The following WWOX variants were observed in gnomAD, a reference collection of about 807,000 sequenced individuals.
WWOX encodes the protein WW domain-containing oxidoreductase.
WWOX carries 69 observed loss-of-function variants against 46.2 expected under a neutral mutation model. The observed-to-expected ratio is 1.49, with a 90% CI of 1.23 to 1.82. The LOEUF (loss-of-function observed/expected upper bound fraction) is 1.82. Ranked by LOEUF, WWOX falls within the 40% of genes most tolerant of loss-of-function variation. The pLI, the probability that WWOX is intolerant of heterozygous loss-of-function variation, is 0.00. For missense variants in WWOX, 919 were observed against 542.6 expected, an observed-to-expected ratio of 1.69 and a Z score of -6.89; for synonymous variants, 359 against 202.6, an observed-to-expected ratio of 1.77 and a Z score of -6.56.
chr16:78,824,463 T>C (rs2051592431), intron 8 of WWOX, among the ~76,000 whole-genome samples: 1 of 152,174 alleles, frequency 6.6e-6, no homozygotes, highest in African/African-American at 2.4e-5. Flanking sequence ...TCCTAGGTGC[T>C]GGGGAGAAAC....
At chr16:78,733,544 G>T (rs778753919) in intron 8 of WWOX, among the ~76,000 whole-genome samples, 9 of 150,792 alleles carry the variant, frequency 6.0e-5, no homozygotes, top group Non-Finnish European at 1.2e-4. Context: ...TCAGGAGATC[G>T]AGACCAGCCT....
intron 5 of WWOX, among the ~76,000 whole-genome samples, chr16:78,301,324 G>GT (rs1441833092): frequency 6.6e-6 from 1 of 152,132 alleles, no homozygotes; most frequent in African/African-American, 2.4e-5. Flanking sequence ...TTATTAAAGA[G>GT]TTTTTTTCAG....
At chr16:79,038,630 A>G (rs2047913186) in intron 8 of WWOX, among the ~76,000 whole-genome samples, 1 of 152,104 alleles carries the variant, frequency 6.6e-6, no homozygotes, top group South Asian at 2.1e-4. Flanking sequence ...GCTCACTGCA[A>G]TGTCTGCCTC....
At chr16:78,854,633 T>C (rs2052525622) in intron 8 of WWOX, among the ~76,000 whole-genome samples, 1 of 152,206 alleles carries the variant, frequency 6.6e-6, no homozygotes, top group African/African-American at 2.4e-5. Flanking sequence ...CAGACTGGAG[T>C]GCAGTGGCGC....
chr16:78,746,021 C>T (rs946652905), intron 8 of WWOX, among the ~76,000 whole-genome samples: 4 of 152,138 alleles, frequency 2.6e-5, no homozygotes, highest in African/African-American at 7.2e-5. Context: ...TAATCTGTAT[C>T]CATCCACAAG....
At chr16:78,145,274 C>T (rs1032701082) in intron 4 of WWOX, among the ~76,000 whole-genome samples, 4 of 152,068 alleles carry the variant, frequency 2.6e-5, no homozygotes, top group African/African-American at 7.2e-5. Flanking sequence ...GTATTGACTC[C>T]CACAATCACA....
At chr16:78,751,496 T>C (rs1597547235) in intron 8 of WWOX, among the ~76,000 whole-genome samples, 1 of 145,232 alleles carries the variant, frequency 6.9e-6, no homozygotes, top group Non-Finnish European at 1.5e-5. Context: ...TATGCATATG[T>C]TTGTATATAA....
intron 8 of WWOX, among the ~76,000 whole-genome samples, chr16:78,821,514 C>G (rs985610447): frequency 3.9e-5 from 6 of 152,164 alleles, no homozygotes; most frequent in African/African-American, 1.2e-4. Context: ...TTCACAGTGA[C>G]CAGAGTGTTT....
chr16:78,869,252 C>A (rs1413208212), intron 8 of WWOX, among the ~76,000 whole-genome samples: 1 of 152,106 alleles, frequency 6.6e-6, no homozygotes, highest in East Asian at 1.9e-4. Context: ...TATCCTGTCA[C>A]CCTGCTGGAA....
intron 8 of WWOX, among the ~76,000 whole-genome samples, chr16:78,662,215 T>C (rs1317560883): frequency 1.3e-5 from 2 of 152,102 alleles, no homozygotes; most frequent in African/African-American, 4.8e-5. Context: ...GTGAGGTTTG[T>C]ATAACCGAGG....
chr16:79,111,943 CCTT>C (rs1238838864), intron 8 of WWOX, among the ~76,000 whole-genome samples: 2 of 152,074 alleles, frequency 1.3e-5, no homozygotes, highest in Non-Finnish European at 2.9e-5. Context: ...AGGCCTGTCT[CCTT>C]CTTGATGATG....
chr16:78,847,109 G>A (rs910750369), intron 8 of WWOX, among the ~76,000 whole-genome samples: 1 of 152,052 alleles, frequency 6.6e-6, no homozygotes, highest in African/African-American at 2.4e-5. Flanking sequence ...CTGTCATCTT[G>A]GACTTCCCTG....
intron 8 of WWOX, among the ~76,000 whole-genome samples, chr16:78,714,369 C>G (rs1258587711): frequency 6.6e-6 from 1 of 151,918 alleles, no homozygotes; most frequent in Non-Finnish European, 1.5e-5. Context: ...AGGGAACTGC[C>G]CTTTATAAAA....
intron 5 of WWOX, among the ~76,000 whole-genome samples, chr16:78,378,407 A>G (rs141447561): frequency 1.5e-3 from 222 of 152,264 alleles, no homozygotes; most frequent in Admixed American, 3.1e-3. Context: ...TAAGAGAGAA[A>G]AGAATCACTA....
intron 8 of WWOX, among the ~76,000 whole-genome samples, chr16:78,972,746 T>C (rs1172002960): frequency 6.6e-6 from 1 of 152,236 alleles, no homozygotes; most frequent in Non-Finnish European, 1.5e-5. Flanking sequence ...TATTATTTCC[T>C]TTTACTTTTA....
intron 8 of WWOX, among the ~76,000 whole-genome samples, chr16:78,594,983 G>C (rs575272327): frequency 6.6e-6 from 1 of 152,186 alleles, no homozygotes; most frequent in Admixed American, 6.5e-5. Flanking sequence ...TATCCTTACT[G>C]TTGAAGACTT....
chr16:78,165,390 C>G (rs1012929112), intron 5 of WWOX, among the ~76,000 whole-genome samples: 2 of 152,204 alleles, frequency 1.3e-5, no homozygotes, highest in Non-Finnish European at 2.9e-5. Context: ...AGTCAAAAAA[C>G]ACAGATCTTA....
rs1488582650 is a variant in WWOX, at chr16:78,349,410, A to G, written c.517-37450A>G. Among the ~76,000 whole-genome samples the G allele has an allele frequency of 3.3e-5, 4 of 121,404 alleles. 1 individual carries two copies. Among genetic ancestry groups the G allele is most frequent in the Non-Finnish European group, 7.9e-5 (4 of 50,796 alleles). The allele number at this position is 121,404 out of a possible 152,430, so 79.6% of individuals were successfully genotyped here. A position where few individuals can be genotyped will look rare whatever the true frequency, so the allele number is the denominator to read the frequency against. ...GCTAACAACAGTTGGGGATGAGGCT[A>G]TAACGAATACCACTGCCTAATGTTT... On this transcript the variant is annotated intron_variant, in intron 5 of 8. Transcript: ENST00000566780.
intron 8 of WWOX, among the ~76,000 whole-genome samples, chr16:78,434,115 A>G (rs1853807742): frequency 6.6e-6 from 1 of 152,188 alleles, no homozygotes; most frequent in South Asian, 2.1e-4. Flanking sequence ...AACCACATCA[A>G]AAGTCTTTTG....
Sources: gnomAD v4.1 joint callset for allele counts (sites outside exome capture counted in the v4.1 genomes callset) on GRCh38, gnomAD v4.1.1 for gene constraint, MANE v1.5 for transcripts, NCBI Gene and HGNC (gene_info 2026-07-23, HGNC 2026-07-21) for gene names.